Variants in COX17 observed in about 807,000 individuals in gnomAD.
COX17 encodes the protein cytochrome c oxidase copper chaperone.
COX17 carries 1 observed loss-of-function variant against 6.3 expected under a neutral mutation model. The observed-to-expected ratio is 0.16, with a 90% CI of 0.06 to 0.75. The LOEUF (loss-of-function observed/expected upper bound fraction) is 0.75, where lower values mean the gene tolerates loss of function less well. COX17 is among the 30% of genes least tolerant of loss of function. COX17 has a pLI of 0.77. For missense variants in COX17, 73 were observed against 81.2 expected (o/e 0.90, Z 0.39); for synonymous variants, 26 against 30.5 (o/e 0.85, Z 0.49).
chr3:119,677,153 AGGCCGCGGCCCGGGGCTCGTC>A (rs772401538), intron 1 of COX17, 30 bp downstream of exon 1: 6 of 1,478,930 alleles, frequency 4.1e-6, no homozygotes, highest in African/African-American at 1.4e-5. Context: ...CGGAAGGCAC[AGGCCGCGGCCCGGGGCTCGTC>A]GGCCGCGCCC....
intron 2 of COX17, among the ~76,000 whole-genome samples, chr3:119,672,249 A>G (rs1285435755): frequency 6.6e-6 from 1 of 152,254 alleles, no homozygotes; most frequent in Non-Finnish European, 1.5e-5. Context: ...TCAGTTAAGC[A>G]GTAGATTTTC....
chr3:119,673,945 G>A (rs536758889), intron 2 of COX17, among the ~76,000 whole-genome samples: 39 of 149,828 alleles, frequency 2.6e-4, no homozygotes, highest in African/African-American at 7.9e-4. Flanking sequence ...CGGCCACCCC[G>A]TCTGGGAAGT....
intron 2 of COX17, among the ~76,000 whole-genome samples, chr3:119,670,667 A>G (rs2107832890): frequency 6.6e-6 from 1 of 152,270 alleles, no homozygotes; most frequent in East Asian, 1.9e-4. Flanking sequence ...GGGTCTTAAT[A>G]AATATCTGCT....
intron 1 of COX17, chr3:119,676,602 A>T: frequency 2.4e-6 from 1 of 416,992 alleles, no homozygotes; most frequent in Non-Finnish European, 4.4e-6. Flanking sequence ...AAAAGGGTTG[A>T]AGCGTAACTC....
chr3:119,671,119 T>C (rs1018358881), intron 2 of COX17, among the ~76,000 whole-genome samples: 1 of 152,250 alleles, frequency 6.6e-6, no homozygotes, highest in African/African-American at 2.4e-5. Flanking sequence ...AGATACTTTA[T>C]GCCTAGCATT....
downstream of COX17, among the ~76,000 whole-genome samples, chr3:119,667,862 T>C (rs1559734196): frequency 6.6e-6 from 1 of 152,160 alleles, no homozygotes; most frequent in Non-Finnish European, 1.5e-5. Flanking sequence ...ATTCGGAATT[T>C]AGGTTATCTG....
At chr3:119,671,453 G>A (rs76826669) in intron 2 of COX17, among the ~76,000 whole-genome samples, 3,473 of 152,306 alleles carry the variant, frequency 0.023, 49 homozygotes, top group Middle Eastern at 0.071. Flanking sequence ...CGTTGCCAGA[G>A]AGATCTAAGT....
At chr3:119,666,117 G>T (rs1258489232), downstream of COX17, among the ~76,000 whole-genome samples, 1 of 146,426 alleles carries the variant, frequency 6.8e-6, no homozygotes, top group Non-Finnish European at 1.5e-5. Context: ...ACCTGCACAT[G>T]GATCTAAGCA....
At position 119,677,380 on chromosome 3, in the gene COX17, T is replaced by G; in HGVS notation, c.-70A>C. On this transcript the variant is annotated 5_prime_UTR_variant, in exon 1 of 3. Transcript: ENST00000261070. ...GCCAGCCTCGGCAAACGCCGATTCG[T>G]CCGCAGTCACTTCCGGCAGTCGCTC... The G allele has an allele frequency of 8.1e-7, 1 of 1,231,236 alleles. No individual in the cohort carries two copies. Among genetic ancestry groups the G allele is most frequent in the Non-Finnish European group, 1.2e-6 (1 of 849,222 alleles). 76.3% of individuals were successfully genotyped at this position (1,231,236 alleles called of 1,614,324 possible).
chr3:119,667,209 G>A (rs926197794), downstream of COX17, among the ~76,000 whole-genome samples: 9 of 152,190 alleles, frequency 5.9e-5, no homozygotes, highest in Non-Finnish European at 1.5e-5. Flanking sequence ...GCAAAGAGGT[G>A]CATTAGAATG....
At chr3:119,664,205 T>C (rs2052972862) in intron 3 of COX17, among the ~76,000 whole-genome samples, 1 of 152,226 alleles carries the variant, frequency 6.6e-6, no homozygotes, top group Non-Finnish European at 1.5e-5. Flanking sequence ...GGACTTTTAC[T>C]ATACTGCTAT....
chr3:119,676,945 AAC>A (rs1274472048), intron 1 of COX17: 13 of 687,532 alleles, frequency 1.9e-5, no homozygotes, highest in Middle Eastern at 2.3e-4. Flanking sequence ...GGGATAAGTC[AAC>A]AGAGACCCGA....
chr3:119,676,294 C>A (rs1199808035), intron 1 of COX17, among the ~76,000 whole-genome samples: 1 of 152,170 alleles, frequency 6.6e-6, no homozygotes, highest in Non-Finnish European at 1.5e-5. Context: ...TCAATCCTAC[C>A]CGTATTATTT....
chr3:119,665,112 GGTTGAAGCCA>G (rs2052982301), downstream of COX17: 1 of 152,190 alleles, frequency 6.6e-6, no homozygotes, highest in South Asian at 2.1e-4. Context: ...AACTAAGATT[GGTTGAAGCCA>G]AGCACAATAT....
rs71156765 is a variant in COX17 at position 119,677,026 on chromosome 3, G to GGCGGGGC, written c.107+177_107+178insGCCCCGC. On this transcript the variant is annotated intron_variant, in intron 1 of 2. Transcript: ENST00000261070. ...AATGGGGCGGGGCGGGGCGGGGCGG[G>GGCGGGGC]GGGGGGGGGCAGACAGGGAGGAGGA... is the stretch of plus-strand genomic sequence containing the variant. The GGCGGGGC allele has an allele frequency of 1.2e-3, 270 of 217,956 alleles. 1 individual carries two copies. The highest frequency in any genetic ancestry group is 2.9e-3 in the Middle Eastern group (2 of 700). The allele number at this position is 217,956 out of a possible 1,614,324, so 13.5% of individuals were successfully genotyped here.
downstream of COX17, among the ~76,000 whole-genome samples, chr3:119,667,728 C>CACACAG (rs1484332925): frequency 1.5e-5 from 1 of 67,536 alleles, no homozygotes; most frequent in African/African-American, 4.6e-5. Context: ...CACACACACA[C>CACACAG]AGAGAGAGAG....
chr3:119,664,577 G>T (rs1271610078), downstream of COX17, among the ~76,000 whole-genome samples: 1 of 152,188 alleles, frequency 6.6e-6, no homozygotes, highest in Non-Finnish European at 1.5e-5. Context: ...CAAGAGGCAG[G>T]CGAGGCAGGC....
At chr3:119,668,606 C>A (rs1295503202), downstream of COX17, among the ~76,000 whole-genome samples, 1 of 150,142 alleles carries the variant, frequency 6.7e-6, no homozygotes, top group Non-Finnish European at 1.5e-5. Flanking sequence ...CTTGAGGTCA[C>A]ATAGCCAGCT....
intron 2 of COX17, among the ~76,000 whole-genome samples, chr3:119,673,148 G>A (rs1222541385): frequency 6.6e-6 from 1 of 152,168 alleles, no homozygotes; most frequent in Admixed American, 6.5e-5. Flanking sequence ...AAAAGCAGAG[G>A]GAATCGGCAT....
Sources: allele counts gnomAD v4.1 joint callset (sites outside exome capture counted in the v4.1 genomes callset), GRCh38; gene constraint gnomAD v4.1.1; transcripts MANE v1.5; gene names NCBI Gene and HGNC (gene_info 2026-07-23, HGNC 2026-07-21).